Variants in ARHGAP45 observed in about 807,000 individuals in gnomAD.
ARHGAP45 encodes the protein Rho GTPase activating protein 45.
Under a neutral mutation model 116.1 loss-of-function variants are expected in ARHGAP45, and 56 were observed. The ratio of observed to expected loss-of-function variants is 0.48; its 90% CI spans 0.39 to 0.60. ARHGAP45 has a LOEUF of 0.60. Ranked by LOEUF, ARHGAP45 falls within the 20% of genes least tolerant of loss-of-function variation. The probability of loss-of-function intolerance (pLI) is 0.00; values close to 1 mark genes in which losing one functional copy is unlikely to be tolerated. For synonymous variants in ARHGAP45, 866 were observed against 701.7 expected, an observed-to-expected ratio of 1.23 and a Z score of -3.70; for missense variants, 1,622 against 1,601.0, an observed-to-expected ratio of 1.01 and a Z score of -0.22.
At chr19:1,070,952 G>T (rs1440848560) in intron 2 of ARHGAP45, among the ~76,000 whole-genome samples, 1 of 152,200 alleles carries the variant, frequency 6.6e-6, no homozygotes, top group Non-Finnish European at 1.5e-5. Flanking sequence ...TGCATGCAGC[G>T]ATGGTTGTGG....
intron 3 of ARHGAP45, 106 bp from the exon 4 acceptor site, chr19:1,073,400 C>T: frequency 6.4e-7 from 1 of 1,567,520 alleles, no homozygotes; most frequent in Non-Finnish European, 8.7e-7. Context: ...TTGACAGGCA[C>T]AAGCTCCCTC....
At position 1,075,997 on chromosome 19, in the gene ARHGAP45, C is replaced by T. The variant is rs369890030; in HGVS notation, c.1185+1118C>T. Among the ~76,000 whole-genome samples the T allele has an allele frequency of 2.6e-4, 40 of 152,272 alleles. No individual in the cohort carries two copies. In the East Asian group the frequency reaches 6.9e-3, roughly 26 times the overall value. ...TCACCTCCATATAGAGAGGCTCACC[C>T]GATATCAGTCAGCATGAAGCAGCCT... is the stretch of plus-strand genomic sequence containing the variant. On this transcript the variant is annotated intron_variant, in intron 10 of 22. Coordinates refer to ENST00000313093, the MANE Select transcript of ARHGAP45 (RefSeq NM_012292.5).
rs112445934 is a variant in ARHGAP45, at chr19:1,081,456, C to T, written c.2191-94C>T. ...GTTTGCAGAAGCTGCCGTGTGGGGG[C>T]TGTGAGCGCCCCGGGGAGGTGGGGT... On this transcript the variant is annotated intron_variant, in intron 17 of 22. Transcript: ENST00000313093. 2,954 of 1,221,306 alleles carry T rather than the reference C, an allele frequency of 2.4e-3. 71 individuals carry two copies. The African/African-American group carries it at 0.043, about 18-fold the overall frequency. The allele number at this position is 1,221,306 out of a possible 1,614,324, so 75.7% of individuals were successfully genotyped here.
chr19:1,076,388 TC>T (rs2043248551), intron 10 of ARHGAP45, among the ~76,000 whole-genome samples: 1 of 150,320 alleles, frequency 6.7e-6, no homozygotes. Flanking sequence ...AGTTTTAGAC[TC>T]CCCCCATTCC....
intron 10 of ARHGAP45, chr19:1,077,084 T>C: frequency 1.0e-6 from 1 of 985,332 alleles, no homozygotes; most frequent in Non-Finnish European, 1.2e-6. Context: ...ATGGTGCAGG[T>C]TGTGAGGTGT....
Position 1,081,966 on chromosome 19 carries a change from G to T in ARHGAP45, c.2517+5G>T. 1 of 1,608,820 alleles carries T rather than the reference G, an allele frequency of 6.2e-7. No homozygotes were observed. Among genetic ancestry groups the T allele is most frequent in the Non-Finnish European group, 8.5e-7 (1 of 1,178,066 alleles). ...CTCAAGCTCTACCTGCGTCAGGTGA[G>T]ACCCACCGGTGGTGGCCAGGCAGAG... On this transcript the variant is annotated splice_donor_5th_base_variant and intron_variant, in intron 19 of 22. Transcript: ENST00000313093.
At chr19:1,079,087 G>A (rs564776410) in intron 11 of ARHGAP45, among the ~76,000 whole-genome samples, 1,630 of 151,778 alleles carry the variant, frequency 0.011, 22 homozygotes, top group Middle Eastern at 0.017. Context: ...GGCTGAGGCA[G>A]GAAAATGGCA....
Position 1,082,926 on chromosome 19 carries a change from G to C in ARHGAP45, c.2604G>C (p.Lys868Asn). The C allele has an allele frequency of 6.3e-7, 1 of 1,591,754 alleles. No individual in the cohort carries two copies. Among genetic ancestry groups the C allele is most frequent in the Non-Finnish European group, 8.5e-7 (1 of 1,171,338 alleles). ...GCCTGAAGGCAGAGGCCGAGGCCAA[G>C]GCGGCGTCCCGGGGCCGGCAGGACG... ...KDSLKAEAEA[K>N]AASRGRQDGS... The change falls in exon 20 of 23, where the codon AAG (lysine) becomes AAC (asparagine). Residue 868 changes from lysine (K) to asparagine (N), a missense_variant. Physicochemically the swap from Lys to Asn is moderately conservative, Grantham distance 94. Coordinates refer to ENST00000313093, the MANE Select transcript of ARHGAP45 (RefSeq NM_012292.5).
intron 10 of ARHGAP45, among the ~76,000 whole-genome samples, chr19:1,076,784 A>G (rs192965457): frequency 9.9e-5 from 15 of 152,102 alleles, no homozygotes; most frequent in Admixed American, 1.3e-4. Context: ...GGCATAAGAC[A>G]CCGTGCTTGG....
At chr19:1,066,203 GT>G, upstream of ARHGAP45, 1 of 1,357,320 alleles carries the variant, frequency 7.4e-7, no homozygotes. Flanking sequence ...AGAGGTTGGG[GT>G]TTTGGGATTG....
rs374799236 is a variant in ARHGAP45, at chr19:1,080,992, G to T, written c.2118G>T (p.Arg706=). The change falls in exon 17 of 23, where the codon CGG becomes CGT. Residue 706 remains arginine, a synonymous_variant. Transcript: ENST00000313093. The part of the protein sequence containing the change: ...LSKAARTHRL[R]KLRTPAKCRE... ...AGGCGGCCCGTACTCACCGGCTCCG[G>T]AAGCTCCGCACGCCCGCCAAGTGCC... 1.2e-5 allele frequency: 19 copies of T among 1,607,922 alleles called. No homozygotes were observed. The highest frequency in any genetic ancestry group is 1.6e-5 in the Non-Finnish European group (19 of 1,178,106).
rs765301349 is a variant in ARHGAP45, at chr19:1,069,461, G to A, written c.421+717G>A. Among the ~76,000 whole-genome samples, 9 of 152,250 alleles carry A rather than the reference G, an allele frequency of 5.9e-5. No homozygotes were observed. Among genetic ancestry groups the A allele is most frequent in the Admixed American group, 2.0e-4 (3 of 15,284 alleles). On this transcript the variant is annotated intron_variant, in intron 2 of 22. Coordinates refer to ENST00000313093, the MANE Select transcript of ARHGAP45 (RefSeq NM_012292.5). This position sits in a 1 kb window ranked among gnomAD's most constrained non-coding sequence, Gnocchi z 4.1. Reference sequence around the variant, plus strand: ...CCACAGTGCCAGGGTCATGCCAGGCGCTCTGATCTGCTCCCAGCAGCCGCC... The same window carrying A: ...CCACAGTGCCAGGGTCATGCCAGGCACTCTGATCTGCTCCCAGCAGCCGCC...
upstream of ARHGAP45, chr19:1,066,082 C>A (rs1489506829): frequency 6.5e-7 from 1 of 1,535,718 alleles, no homozygotes. Context: ...GCACTTGGAC[C>A]TGGGCCTGGA....
Position 1,068,205 on chromosome 19 carries a change from C to G in ARHGAP45, c.91-209C>G, listed in dbSNP as rs989057420. 4 of 555,746 alleles carry G rather than the reference C, an allele frequency of 7.2e-6. No individual in the cohort carries two copies. The highest frequency in any genetic ancestry group is 4.0e-5 in the African/African-American group (2 of 50,432). 34.4% of individuals were successfully genotyped at this position (555,746 alleles called of 1,614,324 possible). A position where few individuals can be genotyped will look rare whatever the true frequency, so the allele number is the denominator to read the frequency against. On this transcript the variant is annotated intron_variant, in intron 1 of 22. Coordinates refer to ENST00000313093, the MANE Select transcript of ARHGAP45 (RefSeq NM_012292.5). This position sits in a 1 kb window ranked among gnomAD's most constrained non-coding sequence, Gnocchi z 7.5. ...CCCCGGCTGTGGTTTGGGCAAGGAC[C>G]GTTGTTTGTGAAAGCTCTAGGGAAG... is the stretch of plus-strand genomic sequence containing the variant.
Position 1,068,408 on chromosome 19 carries a change from C to A in ARHGAP45, c.91-6C>A. On this transcript the variant is annotated splice_polypyrimidine_tract_variant and splice_region_variant and intron_variant, in intron 1 of 22. Transcript: ENST00000313093. This position sits in a 1 kb window ranked among gnomAD's most constrained non-coding sequence, Gnocchi z 7.5. ...CTTTAACGAGCTCCCCTCGGACCTG[C>A]CCAAGGAGCTGCCCAGGAAGGATGG... The A allele has an allele frequency of 6.5e-7, 1 of 1,545,558 alleles. No individual in the cohort carries two copies. Among genetic ancestry groups the A allele is most frequent in the South Asian group, 1.2e-5 (1 of 83,784 alleles).
At position 1,085,708 on chromosome 19, in the gene ARHGAP45, C is replaced by T. The variant is rs772494122; in HGVS notation, c.3113C>T (p.Ser1038Phe). ...TCGGACTCGGACCTAGAGGAGGCCT[C>T]CGAGCTGCTGTCCTCATCGGAGGCC... ...NDSDSDLEEA[S>F]ELLSSSEASA... The change falls in exon 23 of 23, where the codon TCC (serine) becomes TTC (phenylalanine). Residue 1038 changes from serine to phenylalanine, a missense_variant. Ser to Phe is a radical substitution (Grantham distance 155, BLOSUM62 -2). Transcript: ENST00000313093. 12 of 1,603,954 alleles carry T rather than the reference C, an allele frequency of 7.5e-6. No individual in the cohort carries two copies. The highest frequency in any genetic ancestry group is 2.6e-6 in the Non-Finnish European group (3 of 1,174,008).
chr19:1,085,915 A>G lies in ARHGAP45; in HGVS notation c.3320A>G (p.Asn1107Ser), dbSNP rs1568492715. The change falls in exon 23 of 23, where the codon AAC becomes AGC. Residue 1107 changes from asparagine to serine, a missense_variant. Asn to Ser is a conservative substitution (Grantham distance 46). This residue lies in a region of ARHGAP45 where 1,334 missense variants were observed against 1,263.8 expected (regional missense o/e 1.06). Coordinates refer to ENST00000313093, the MANE Select transcript of ARHGAP45 (RefSeq NM_012292.5). ...LSGFNTNQSN[N>S]VLQAPLPPMR... ...GGATTCAACACCAACCAGTCCAACAACGTGCTGCAGGCCCCACTGCCCCCC... is the reference window on the plus strand; with the variant it reads ...GGATTCAACACCAACCAGTCCAACAGCGTGCTGCAGGCCCCACTGCCCCCC... 6.2e-7 allele frequency: 1 copy of G among 1,612,828 alleles called. No individual in the cohort carries two copies.
rs982900337 is a variant in ARHGAP45, at chr19:1,071,775, C to G, written c.422-1374C>G. ...CTCTGGCGGGTGACTCGGTCGGTCT[C>G]TTCCCGGAGGTGACATTCACCTGGG... On this transcript the variant is annotated intron_variant, in intron 2 of 22. Coordinates refer to ENST00000313093, the MANE Select transcript of ARHGAP45 (RefSeq NM_012292.5). This position sits in a 1 kb window ranked among gnomAD's most constrained non-coding sequence, Gnocchi z 4.6. 6.6e-6 allele frequency: 1 copy of G among 152,242 alleles called. No individual in the cohort carries two copies. Among genetic ancestry groups the G allele is most frequent in the Non-Finnish European group, 1.5e-5 (1 of 68,054 alleles). 9.4% of individuals were successfully genotyped at this position (152,242 alleles called of 1,614,324 possible).
intron 22 of ARHGAP45, 44 bp downstream of exon 22, chr19:1,084,390 G>A (rs925034784): frequency 6.7e-7 from 1 of 1,492,498 alleles, no homozygotes; most frequent in Non-Finnish European, 9.2e-7. Flanking sequence ...AGGCTGGCGT[G>A]TGCCACCCAT....
Sources: gnomAD v4.1 joint callset for allele counts (sites outside exome capture counted in the v4.1 genomes callset) on GRCh38, gnomAD v4.1.1 for gene constraint, gnomAD v4.1.1 regional missense constraint, Gnocchi (gnomAD v3.1) non-coding constraint, MANE v1.5 for transcripts, NCBI Gene and HGNC (gene_info 2026-07-23, HGNC 2026-07-21) for gene names.